The following GALP variants were observed in gnomAD, a reference collection of about 807,000 sequenced individuals.
The protein encoded by GALP is galanin-like peptide.
GALP carries 12 observed loss-of-function variants against 15.2 expected under a neutral mutation model. That is an observed-to-expected ratio of 0.79 (90% CI 0.51 to 1.28). The LOEUF (loss-of-function observed/expected upper bound fraction) is 1.28, where lower values mean the gene tolerates loss of function less well. GALP is among the 50% of genes most tolerant of loss of function. The probability of loss-of-function intolerance (pLI) is 0.00; values close to 1 mark genes in which losing one functional copy is unlikely to be tolerated. For synonymous variants in GALP, 58 were observed against 55.1 expected, an observed-to-expected ratio of 1.05 and a Z score of -0.23; for missense variants, 161 against 145.6, an observed-to-expected ratio of 1.11 and a Z score of -0.55.
At chr19:56,178,354 T>C (rs1450774907) in intron 2 of GALP, among the ~76,000 whole-genome samples, 2 of 151,668 alleles carry the variant, frequency 1.3e-5, no homozygotes, top group Non-Finnish European at 2.9e-5. Flanking sequence ...TCCGAGCTAC[T>C]TGGGAGGCTG....
Position 56,180,542 on chromosome 19 carries a change from C to G in GALP, c.88-44C>G, listed in dbSNP as rs539813830. 7.7e-6 allele frequency: 12 copies of G among 1,568,020 alleles called. No homozygotes were observed. The East Asian group carries it at 9.0e-5, about 12-fold the overall frequency. On this transcript the variant is annotated intron_variant, in intron 2 of 5. Transcript: ENST00000357330. ...CCCCGGACCTGTGGGACGCCTGCCCCGCTTTCTGTCTGCTTGAGTCTTGAT... is the reference window on the plus strand; with the variant it reads ...CCCCGGACCTGTGGGACGCCTGCCCGGCTTTCTGTCTGCTTGAGTCTTGAT...
At chr19:56,180,915 C>CTTTTTTT (rs1174325788) in intron 3 of GALP, among the ~76,000 whole-genome samples, 2 of 40,144 alleles carry the variant, frequency 5.0e-5, no homozygotes, top group African/African-American at 1.8e-4. Context: ...TTCTTTCTTT[C>CTTTTTTT]TTTTTTTTTT....
intron 5 of GALP, among the ~76,000 whole-genome samples, chr19:56,183,849 C>G (rs577040671): frequency 1.3e-5 from 2 of 151,754 alleles, no homozygotes; most frequent in African/African-American, 4.8e-5. Flanking sequence ...CCACCTGCCT[C>G]GGCCTCCCAA....
chr19:56,181,355 C>T (rs1419527053), intron 3 of GALP, among the ~76,000 whole-genome samples: 2 of 139,156 alleles, frequency 1.4e-5, no homozygotes, highest in Admixed American at 1.5e-4. Context: ...GTAGTGGGTG[C>T]TGTATAATGA....
Position 56,180,629 on chromosome 19 carries a change from G to A in GALP, c.131G>A (p.Gly44Asp). 6.2e-7 allele frequency: 1 copy of A among 1,613,732 alleles called. No individual in the cohort carries two copies. Among genetic ancestry groups the A allele is most frequent in the Non-Finnish European group, 8.5e-7 (1 of 1,179,758 alleles). ...WTLNSAGYLL[G>D]PVLHLPQMGD... ...CTCAATAGTGCTGGCTACCTTCTGG[G>A]TCCCGGTGAGTGAGGCTGCGCTCAG... The change falls in exon 3 of 6, where the codon GGT (glycine) becomes GAT (aspartate). Residue 44 changes from glycine to aspartate, a missense_variant. By Grantham distance (94) the Gly-to-Asp change is moderately conservative (BLOSUM62 -1). Coordinates refer to ENST00000357330, the MANE Select transcript of GALP (RefSeq NM_033106.4).
chr19:56,183,219 C>A lies in GALP; in HGVS notation c.295+7C>A. 1 of 1,606,710 alleles carries A rather than the reference C, an allele frequency of 6.2e-7. No individual in the cohort carries two copies. Among genetic ancestry groups the A allele is most frequent in the South Asian group, 1.1e-5 (1 of 90,906 alleles). Reference sequence around the variant, plus strand: ...GCCAAACCAGAGATTGGAGGTAAAGCCAGGAAACACAGAAGAGAGACACCG... The same window carrying A: ...GCCAAACCAGAGATTGGAGGTAAAGACAGGAAACACAGAAGAGAGACACCG... On this transcript the variant is annotated splice_region_variant and intron_variant, in intron 5 of 5. Transcript: ENST00000357330.
intron 2 of GALP, 78 bp from the exon 3 acceptor site, chr19:56,180,508 C>A: frequency 8.2e-7 from 1 of 1,216,130 alleles, no homozygotes; most frequent in Non-Finnish European, 1.2e-6. Context: ...CGTATGACGA[C>A]CCACATCACC....
At chr19:56,179,640 CT>C (rs369518593) in intron 2 of GALP, among the ~76,000 whole-genome samples, 6,524 of 137,860 alleles carry the variant, frequency 0.047, 269 homozygotes, top group African/African-American at 0.11. Context: ...AAGAGCCTCT[CT>C]TTTTTTTTTT....
intron 1 of GALP, among the ~76,000 whole-genome samples, chr19:56,176,687 G>A (rs1356353741): frequency 2.6e-5 from 4 of 151,874 alleles, no homozygotes; most frequent in African/African-American, 9.7e-5. Flanking sequence ...CAGGAGGGCA[G>A]AGGGGTGGAG....
chr19:56,179,339 G>A (rs937613448), intron 2 of GALP, among the ~76,000 whole-genome samples: 30 of 139,340 alleles, frequency 2.2e-4, no homozygotes, highest in South Asian at 6.8e-4. Context: ...ACGGAATTTC[G>A]CTCTGTGGCC....
At chr19:56,181,395 CTTTTTTTTTTTTTT>C (rs10656072) in intron 3 of GALP, among the ~76,000 whole-genome samples, 1 of 81,314 alleles carries the variant, frequency 1.2e-5, no homozygotes, top group East Asian at 4.8e-4. Flanking sequence ...TCTCTCTCTC[CTTTTTTTTTTTTTT>C]TTTTTTTTTT....
intron 5 of GALP, among the ~76,000 whole-genome samples, 160 bp downstream of exon 5, chr19:56,183,372 G>A (rs543349847): frequency 3.4e-4 from 51 of 152,206 alleles, no homozygotes; most frequent in African/African-American, 4.1e-4. Context: ...ACTCAGCCTC[G>A]ACTGTGAATC....
chr19:56,180,020 G>A (rs771772488), intron 2 of GALP, among the ~76,000 whole-genome samples: 2 of 151,670 alleles, frequency 1.3e-5, no homozygotes, highest in East Asian at 2.0e-4. Context: ...CAGGTGATCC[G>A]CCCACCTCAG....
In GALP at chr19:56,183,199, A is replaced by T; in HGVS notation, c.282A>T (p.Lys94Asn). 1.2e-6 allele frequency: 2 copies of T among 1,613,674 alleles called. No individual in the cohort carries two copies. Among genetic ancestry groups the T allele is most frequent in the Non-Finnish European group, 1.7e-6 (2 of 1,179,608 alleles). The change falls in exon 5 of 6, where the codon AAA becomes AAT. Residue 94 changes from lysine to asparagine, a missense_variant. Lys to Asn is a moderately conservative substitution (Grantham distance 94). Transcript: ENST00000357330. ...SKRNVMETFA[K>N]PEIGDLGMLS... The stretch of plus-strand genomic sequence containing the variant: ...GGAATGTGATGGAGACGTTTGCCAA[A>T]CCAGAGATTGGAGGTAAAGCCAGGA...
At position 56,180,634 on chromosome 19, in the gene GALP, G is replaced by A. The variant is rs376398790; in HGVS notation, c.136G>A (p.Val46Ile). ...TAGTGCTGGCTACCTTCTGGGTCCC[G>A]GTGAGTGAGGCTGCGCTCAGCTCTC... is the stretch of plus-strand genomic sequence containing the variant. ...LNSAGYLLGP[V>I]LHLPQMGDQD... Residue 46 changes from valine (V) to isoleucine (I), a missense_variant and splice_region_variant, in exon 3 of 6, where the codon GTC becomes ATC. Coordinates refer to ENST00000357330, the MANE Select transcript of GALP (RefSeq NM_033106.4). The A allele has an allele frequency of 7.4e-5, 119 of 1,613,390 alleles. No homozygotes were observed. The East Asian group carries it at 8.2e-4, about 11-fold the overall frequency.
intron 2 of GALP, among the ~76,000 whole-genome samples, chr19:56,179,785 TA>T (rs2032531527): frequency 6.6e-6 from 1 of 151,876 alleles, no homozygotes; most frequent in South Asian, 2.1e-4. Context: ...CATGCCTGGC[TA>T]ATTTTTGTAT....
intron 5 of GALP, among the ~76,000 whole-genome samples, chr19:56,184,407 C>T (rs1369112968): frequency 6.6e-6 from 1 of 152,128 alleles, no homozygotes; most frequent in African/African-American, 2.4e-5. Flanking sequence ...CAAACCCCAG[C>T]TTGTCCCACC....
chr19:56,183,271 C>A (rs773785154), intron 5 of GALP, 59 bp downstream of exon 5: 27 of 1,363,468 alleles, frequency 2.0e-5, no homozygotes, highest in African/African-American at 2.9e-5. Flanking sequence ...AAGGAAGTGG[C>A]AGGCAGAGCT....
chr19:56,178,993 G>A (rs982036066), intron 2 of GALP, among the ~76,000 whole-genome samples: 2 of 152,104 alleles, frequency 1.3e-5, no homozygotes, highest in African/African-American at 2.4e-5. Flanking sequence ...TGGCCAACAT[G>A]GCGAAACCCC....
Sources: allele counts gnomAD v4.1 joint callset (sites outside exome capture counted in the v4.1 genomes callset), GRCh38; gene constraint gnomAD v4.1.1; transcripts MANE v1.5; gene names NCBI Gene and HGNC (gene_info 2026-07-23, HGNC 2026-07-21).